The following TAOK3 variants were observed in gnomAD, a reference collection of about 807,000 sequenced individuals.
TAOK3 encodes serine/threonine-protein kinase TAO3.
A neutral mutation model predicts 120.4 loss-of-function variants in TAOK3; 40 were observed. The observed-to-expected ratio is 0.33, with a 90% CI of 0.26 to 0.43. The LOEUF is 0.43. Ranked by LOEUF, TAOK3 falls within the 20% of genes least tolerant of loss-of-function variation. TAOK3 has a pLI of 1.00. For missense variants in TAOK3, 821 were observed against 1,112.1 expected (o/e 0.74, Z 3.72); for synonymous variants, 355 against 387.5 (o/e 0.92, Z 0.99).
intron 1 of TAOK3, among the ~76,000 whole-genome samples, chr12:118,272,291 C>CAAAA (rs773516018): frequency 2.2e-4 from 14 of 63,746 alleles, no homozygotes; most frequent in Non-Finnish European, 3.2e-4. Context: ...GACTCCATCT[C>CAAAA]AAAAAAAAAA....
At position 118,371,377 on chromosome 12, in the gene TAOK3, G is replaced by A. The variant is rs886442193; in HGVS notation, c.-194+1271C>T. ...ACATCAGACTCTAAGGAACGAATGC[G>A]AAGCCAGCGGGCCAGTGAGAAGAGG... is the stretch of plus-strand genomic sequence containing the variant. On this transcript the variant is annotated intron_variant, in intron 1 of 20. Coordinates refer to ENST00000392533, the MANE Select transcript of TAOK3 (RefSeq NM_016281.4). The surrounding 1 kb of genome is among the most constrained non-coding windows in gnomAD (Gnocchi z 5.5). Among the ~76,000 whole-genome samples, 1 of 152,102 alleles carries A rather than the reference G, an allele frequency of 6.6e-6. No homozygotes were observed. Among genetic ancestry groups the A allele is most frequent in the Admixed American group, 6.5e-5 (1 of 15,284 alleles).
At chr12:118,205,606 C>T (rs142669893) in intron 11 of TAOK3, among the ~76,000 whole-genome samples, 1 of 151,976 alleles carries the variant, frequency 6.6e-6, no homozygotes, top group Non-Finnish European at 1.5e-5. Context: ...ATGTCATTCC[C>T]CCATTCCAAC....
intron 1 of TAOK3, among the ~76,000 whole-genome samples, chr12:118,350,931 C>A (rs893865394): frequency 1.3e-5 from 2 of 151,420 alleles, no homozygotes; most frequent in African/African-American, 2.4e-5. Flanking sequence ...GTAATCCCAG[C>A]ACTTTGGGAG....
chr12:118,283,974 C>T (rs891983923), intron 1 of TAOK3, among the ~76,000 whole-genome samples: 13 of 152,022 alleles, frequency 8.6e-5, no homozygotes, highest in African/African-American at 1.9e-4. Context: ...CTGATGAAAA[C>T]GTTTTCAATT....
At chr12:118,350,299 T>C (rs1307325845) in intron 1 of TAOK3, among the ~76,000 whole-genome samples, 1 of 152,308 alleles carries the variant, frequency 6.6e-6, no homozygotes, top group Non-Finnish European at 1.5e-5. Context: ...AACACAGGCA[T>C]AGAACTGAGT....
At chr12:118,264,674 A>G (rs893753172) in intron 2 of TAOK3, among the ~76,000 whole-genome samples, 1 of 152,218 alleles carries the variant, frequency 6.6e-6, no homozygotes, top group Non-Finnish European at 1.5e-5. Context: ...TTTCACAGAT[A>G]TATACCTGTT....
intron 1 of TAOK3, among the ~76,000 whole-genome samples, chr12:118,367,408 A>AATAGTTTT (rs1025382317): frequency 1.3e-5 from 2 of 152,060 alleles, no homozygotes; most frequent in African/African-American, 4.8e-5. Flanking sequence ...TAAAATTTGA[A>AATAGTTTT]ATAGTTTTTT....
At chr12:118,257,528 T>C (rs558986045) in intron 2 of TAOK3, among the ~76,000 whole-genome samples, 56 of 152,288 alleles carry the variant, frequency 3.7e-4, no homozygotes, top group African/African-American at 1.3e-3. Context: ...ATCATTTATT[T>C]ATGCCAACGT....
chr12:118,331,470 C>A (rs1354799064), intron 1 of TAOK3, among the ~76,000 whole-genome samples: 1 of 151,828 alleles, frequency 6.6e-6, no homozygotes, highest in African/African-American at 2.4e-5. Context: ...CATGATGAAA[C>A]CCAGTTTCTA....
At chr12:118,159,160 T>C (rs369552976) in intron 19 of TAOK3, among the ~76,000 whole-genome samples, 3 of 152,154 alleles carry the variant, frequency 2.0e-5, no homozygotes, top group African/African-American at 7.2e-5. Flanking sequence ...TTTGAACCTT[T>C]GCCTATGTAG....
chr12:118,214,177 A>G (rs2038768312), intron 9 of TAOK3, 67 bp from the exon 10 acceptor site: 7 of 1,250,872 alleles, frequency 5.6e-6, no homozygotes, highest in Non-Finnish European at 7.9e-6. Context: ...GAAATAAGAA[A>G]CTATGAGCAA....
At chr12:118,162,054 G>A in intron 17 of TAOK3, 27 bp from the exon 18 acceptor site, 1 of 1,608,212 alleles carries the variant, frequency 6.2e-7, no homozygotes, top group Non-Finnish European at 8.5e-7. Context: ...AAGATAAACG[G>A]AGAGAGGTGA....
chr12:118,181,627 A>T lies in TAOK3; in HGVS notation c.1330-20T>A. Reference sequence around the variant, plus strand: ...TGTAACCTGAATTGGGTTAGGAAACAGAACTCAGGTAACCAGGTTCATGGG... The same window carrying T: ...TGTAACCTGAATTGGGTTAGGAAACTGAACTCAGGTAACCAGGTTCATGGG... On this transcript the variant is annotated intron_variant, in intron 14 of 20. Coordinates refer to ENST00000392533, the MANE Select transcript of TAOK3 (RefSeq NM_016281.4). 1 of 1,606,852 alleles carries T rather than the reference A, an allele frequency of 6.2e-7. No individual in the cohort carries two copies. The highest frequency in any genetic ancestry group is 2.2e-5 in the East Asian group (1 of 44,786).
At position 118,322,117 on chromosome 12, in the gene TAOK3, C is replaced by A. The variant is rs569818274; in HGVS notation, c.-194+50531G>T. Among the ~76,000 whole-genome samples, 4 of 151,998 alleles carry A rather than the reference C, an allele frequency of 2.6e-5. No individual in the cohort carries two copies. The East Asian group carries it at 7.7e-4, about 29-fold the overall frequency. On this transcript the variant is annotated intron_variant, in intron 1 of 20. Transcript: ENST00000392533. ...ATCACTTGAGGCCAGGAGTTAGAGA[C>A]CAGCCCAGCCAACATGGCGAAACCA...
In TAOK3 at chr12:118,233,699, T is replaced by C; in HGVS notation, c.618A>G (p.Ser206=). 6.2e-7 allele frequency: 1 copy of C among 1,610,404 alleles called. No homozygotes were observed. Among genetic ancestry groups the C allele is most frequent in the Non-Finnish European group, 8.5e-7 (1 of 1,178,210 alleles). Residue 206 remains serine, a synonymous_variant, in exon 9 of 21, where the codon TCA becomes TCG. Transcript: ENST00000392533. The part of the protein sequence containing the change: ...GQYDGKVDIW[S]LGITCIELAE... Reference sequence around the variant, plus strand: ...CCAATTCAATACAAGTGATGCCAAGTGACCAAATATCAACTTTCCCATCAT... The same window carrying C: ...CCAATTCAATACAAGTGATGCCAAGCGACCAAATATCAACTTTCCCATCAT...
intron 16 of TAOK3, among the ~76,000 whole-genome samples, chr12:118,173,166 A>C (rs190172982): frequency 6.6e-6 from 1 of 152,316 alleles, no homozygotes; most frequent in African/African-American, 2.4e-5. Flanking sequence ...CCAGCGGAAA[A>C]GGAAAGGGAA....
chr12:118,322,430 T>C (rs1566116204), intron 1 of TAOK3, among the ~76,000 whole-genome samples: 1 of 151,760 alleles, frequency 6.6e-6, no homozygotes, highest in Non-Finnish European at 1.5e-5. Flanking sequence ...GAAATTCCAA[T>C]AGATTTCCTT....
intron 1 of TAOK3, among the ~76,000 whole-genome samples, chr12:118,290,966 C>A (rs2042452201): frequency 6.6e-6 from 1 of 150,464 alleles, no homozygotes; most frequent in Admixed American, 6.6e-5. Context: ...CGGCTCACTG[C>A]AACCTCTGCC....
chr12:118,327,678 G>C (rs1343844226), intron 1 of TAOK3, among the ~76,000 whole-genome samples: 1 of 152,082 alleles, frequency 6.6e-6, no homozygotes, highest in Non-Finnish European at 1.5e-5. Context: ...AAAATATAAT[G>C]TTCATAAATA....
Sources: allele counts gnomAD v4.1 joint callset (sites outside exome capture counted in the v4.1 genomes callset), GRCh38; gene constraint gnomAD v4.1.1; non-coding constraint Gnocchi (gnomAD v3.1); transcripts MANE v1.5; gene names NCBI Gene and HGNC (gene_info 2026-07-23, HGNC 2026-07-21).